The following LRGUK variants were observed in gnomAD, a reference collection of about 807,000 sequenced individuals.
LRGUK encodes the protein leucine rich repeats and guanylate kinase domain containing.
In LRGUK, 65 loss-of-function variants were observed where a neutral mutation model predicts 76.0. The ratio of observed to expected loss-of-function variants is 0.85; its 90% confidence interval spans 0.70 to 1.05. The LOEUF (loss-of-function observed/expected upper bound fraction) is 1.05, where lower values mean the gene tolerates loss of function less well. Among genes scored for constraint, LRGUK ranks in the 50% least tolerant of loss-of-function variants. The pLI is 0.00. For synonymous variants in LRGUK, 268 were observed against 265.6 expected, an observed-to-expected ratio of 1.01 and a Z score of -0.09; for missense variants, 758 against 732.8, an observed-to-expected ratio of 1.03 and a Z score of -0.40.
At chr7:134,192,719 T>A (rs1472199218) in intron 12 of LRGUK, among the ~76,000 whole-genome samples, 1 of 152,218 alleles carries the variant, frequency 6.6e-6, no homozygotes, top group Non-Finnish European at 1.5e-5. Context: ...CCAATGAATC[T>A]GTAAACCTTT....
downstream of LRGUK, among the ~76,000 whole-genome samples, chr7:134,211,635 T>G (rs1437533800): frequency 1.3e-5 from 2 of 152,236 alleles, no homozygotes; most frequent in African/African-American, 4.8e-5. Context: ...CCTTCCTTCT[T>G]TCTCTGAATA....
At chr7:134,181,086 T>C (rs1413992523) in intron 10 of LRGUK, among the ~76,000 whole-genome samples, 2 of 152,210 alleles carry the variant, frequency 1.3e-5, no homozygotes, top group African/African-American at 2.4e-5. Context: ...TTAGTCTCAA[T>C]TCTCTGGCTA....
intron 15 of LRGUK, among the ~76,000 whole-genome samples, chr7:134,216,563 C>T (rs1801441689): frequency 6.6e-6 from 1 of 152,104 alleles, no homozygotes; most frequent in Admixed American, 6.5e-5. Flanking sequence ...TAACATCTGG[C>T]ACATAGTACA....
chr7:134,155,751 T>G (rs1172703111), intron 5 of LRGUK, among the ~76,000 whole-genome samples: 1 of 152,214 alleles, frequency 6.6e-6, no homozygotes, highest in African/African-American at 2.4e-5. Flanking sequence ...TGACCTAACT[T>G]TTGGCCTTAA....
intron 12 of LRGUK, among the ~76,000 whole-genome samples, chr7:134,192,351 G>T (rs1325379699): frequency 1.3e-5 from 2 of 152,214 alleles, no homozygotes; most frequent in Non-Finnish European, 2.9e-5. Flanking sequence ...CTTGCTAGAA[G>T]ATGGGAGATG....
downstream of LRGUK, among the ~76,000 whole-genome samples, chr7:134,265,279 A>G (rs1026769989): frequency 2.0e-5 from 3 of 152,220 alleles, no homozygotes; most frequent in Non-Finnish European, 4.4e-5. Context: ...TTAAGACAGC[A>G]TGGAGGAGCT....
chr7:134,258,140 A>G (rs1402749888), intron 18 of LRGUK, 117 bp from the exon 19 acceptor site: 16 of 1,276,356 alleles, frequency 1.3e-5, no homozygotes, highest in African/African-American at 1.5e-5. Context: ...AGACATGTCC[A>G]CTAACTACTG....
chr7:134,231,094 G>A (rs1801877866), intron 16 of LRGUK, among the ~76,000 whole-genome samples: 1 of 152,198 alleles, frequency 6.6e-6, no homozygotes, highest in Non-Finnish European at 1.5e-5. Context: ...TCTGTAAGGT[G>A]AGGATCCAAG....
exon 20 of LRGUK, chr7:134,263,985 T>A (rs779513949): frequency 6.2e-7 from 1 of 1,601,252 alleles, no homozygotes; most frequent in South Asian, 1.1e-5. Context: ...GACTAGCACT[T>A]GATGTCTGAT....
intron 15 of LRGUK, 101 bp from the exon 16 acceptor site, chr7:134,221,678 A>G: frequency 1.2e-6 from 1 of 846,140 alleles, no homozygotes; most frequent in Non-Finnish European, 1.7e-6. Flanking sequence ...TTAAGTATCC[A>G]GCTTGTTATG....
chr7:134,139,014 T>A (rs112169011), intron 2 of LRGUK, among the ~76,000 whole-genome samples: 63 of 152,336 alleles, frequency 4.1e-4, no homozygotes, highest in Middle Eastern at 3.4e-3. Context: ...GTAGTATTGT[T>A]ATTAATGATT....
chr7:134,171,692 A>G (rs1013420370), intron 7 of LRGUK, among the ~76,000 whole-genome samples: 1 of 152,156 alleles, frequency 6.6e-6, no homozygotes, highest in Non-Finnish European at 1.5e-5. Flanking sequence ...CTGAGATGAC[A>G]TTCTTGGCAG....
chr7:134,226,699 T>A (rs1319797947), intron 16 of LRGUK, among the ~76,000 whole-genome samples: 1 of 152,242 alleles, frequency 6.6e-6, no homozygotes, highest in Non-Finnish European at 1.5e-5. Flanking sequence ...TGCTATGAGA[T>A]GCCATTTCCT....
intron 7 of LRGUK, among the ~76,000 whole-genome samples, chr7:134,168,120 G>A (rs759424137): frequency 9.2e-5 from 14 of 152,212 alleles, no homozygotes; most frequent in Non-Finnish European, 1.8e-4. Flanking sequence ...AGCTTTGGGA[G>A]GCCAAGGTAG....
intron 19 of LRGUK, among the ~76,000 whole-genome samples, 195 bp from the exon 20 acceptor site, chr7:134,263,650 A>G (rs1188813728): frequency 7.3e-6 from 1 of 136,468 alleles, no homozygotes; most frequent in East Asian, 2.1e-4. Flanking sequence ...TTTTGGCCTC[A>G]AGTGATCCAC....
chr7:134,250,271 A>C (rs1208942299), intron 18 of LRGUK, among the ~76,000 whole-genome samples: 1 of 152,202 alleles, frequency 6.6e-6, no homozygotes, highest in Non-Finnish European at 1.5e-5. Context: ...TTATTTCTGT[A>C]TCCTAAAAAA....
At chr7:134,139,740 T>C (rs1797691715) in intron 3 of LRGUK, among the ~76,000 whole-genome samples, 1 of 152,190 alleles carries the variant, frequency 6.6e-6, no homozygotes, top group Admixed American at 6.5e-5. Flanking sequence ...GTCAATGATA[T>C]TTAAGACTAG....
chr7:134,264,516 A>G (rs1246454915), exon 20 of LRGUK: 1 of 152,218 alleles, frequency 6.6e-6, no homozygotes, highest in Non-Finnish European at 1.5e-5. Context: ...CATCTCTCAA[A>G]AGGAATTAAT....
rs116643014 is a variant in LRGUK at position 134,178,420 on chromosome 7, T to A, written c.1108-83T>A. 5.2e-3 allele frequency: 5,213 copies of A among 1,008,056 alleles called. 87 individuals are homozygous for A. Among genetic ancestry groups the A allele is most frequent in the African/African-American group, 0.036 (2,209 of 61,932 alleles). The allele number at this position is 1,008,056 out of a possible 1,614,324, so 62.4% of individuals were successfully genotyped here. A position where few individuals can be genotyped will look rare whatever the true frequency, so the allele number is the denominator to read the frequency against. On this transcript the variant is annotated intron_variant, in intron 9 of 15. Transcript: ENST00000645682. ...TGTACCTGGCTGCACGTGAACAACATTTCATTAAGGAAAAATCCAAGCTTT... is the reference window on the plus strand; with the variant it reads ...TGTACCTGGCTGCACGTGAACAACAATTCATTAAGGAAAAATCCAAGCTTT...
Sources: gnomAD v4.1 joint callset for allele counts (sites outside exome capture counted in the v4.1 genomes callset) on GRCh38, gnomAD v4.1.1 for gene constraint, MANE v1.5 for transcripts, NCBI Gene and HGNC (gene_info 2026-07-23, HGNC 2026-07-21) for gene names.